Variants in AAAS observed in about 807,000 individuals in gnomAD.
The protein encoded by AAAS is aladin WD repeat nucleoporin.
AAAS carries 60 observed loss-of-function variants against 75.6 expected under a neutral mutation model. The ratio of observed to expected loss-of-function variants is 0.79; its 90% CI spans 0.64 to 0.98. The LOEUF is 0.98. Ranked by LOEUF, AAAS falls within the 50% of genes least tolerant of loss-of-function variation. AAAS has a pLI of 0.00. For synonymous variants in AAAS, 271 were observed against 265.0 expected, an observed-to-expected ratio of 1.02 and a Z score of -0.22; for missense variants, 658 against 686.9, an observed-to-expected ratio of 0.96 and a Z score of 0.47.
At position 53,309,276 on chromosome 12, in the gene AAAS, C is replaced by T; in HGVS notation, c.816G>A (p.Trp272Ter). 6.2e-7 allele frequency: 1 copy of T among 1,613,880 alleles called. No individual in the cohort carries two copies. Among genetic ancestry groups the T allele is most frequent in the Non-Finnish European group, 8.5e-7 (1 of 1,180,010 alleles). ...ASPVDAAIRV[W>*]DVSTETCVPL... Reference sequence around the variant, plus strand: ...GGACACAGGTCTCTGTTGAGACATCCCATACCTAGGAGAGTGGGGCAGGAG... The same window carrying T: ...GGACACAGGTCTCTGTTGAGACATCTCATACCTAGGAGAGTGGGGCAGGAG... Residue 272 changes from tryptophan to a stop codon, truncating the protein, a stop_gained, in exon 9 of 16, where the codon TGG (tryptophan) becomes TGA (stop). Transcript: ENST00000209873. LOFTEE classifies it high-confidence loss of function.
rs751517371 is a variant in AAAS at position 53,315,769 on chromosome 12, G to A, written c.265C>T (p.Leu89Phe). The change falls in exon 3 of 16, where the codon CTT (leucine) becomes TTT (phenylalanine). Residue 89 changes from leucine (L) to phenylalanine (F), a missense_variant. Transcript: ENST00000209873. ...RCINIWRDVG[L>F]FGVLNEIANS... ...GCAATTTCATTTAGCACCCCAAAAA[G>A]GCCCACATCACGCCTGATAAGGGAG... 1.1e-5 allele frequency: 18 copies of A among 1,613,712 alleles called. No homozygotes were observed. In the South Asian group the frequency reaches 1.9e-4, roughly 17 times the overall value.
At chr12:53,316,598 GA>G (rs1466451788) in intron 2 of AAAS, among the ~76,000 whole-genome samples, 4 of 149,026 alleles carry the variant, frequency 2.7e-5, no homozygotes, top group Admixed American at 1.3e-4. Flanking sequence ...GAAACATGTT[GA>G]AAAATATGAA....
At chr12:53,310,224 G>C (rs1200227853) in intron 7 of AAAS, among the ~76,000 whole-genome samples, 2 of 152,190 alleles carry the variant, frequency 1.3e-5, no homozygotes, top group Non-Finnish European at 2.9e-5. Context: ...CCTTATCAAA[G>C]TACCTCCCAA....
intron 5 of AAAS, 120 bp downstream of exon 5, chr12:53,314,974 A>G: frequency 2.0e-6 from 3 of 1,478,258 alleles, no homozygotes; most frequent in Admixed American, 1.7e-5. Flanking sequence ...TTGGGGGAAC[A>G]GGAGGAATGA....
chr12:53,307,798 G>C lies in AAAS; in HGVS notation c.1416+47C>G, dbSNP rs201394699. 66 of 1,613,054 alleles carry C rather than the reference G, an allele frequency of 4.1e-5. No homozygotes were observed. In the African/African-American group the frequency reaches 7.7e-4, roughly 19 times the overall value. ...AGCCATACAGCAGCCAAGGCCCTCA[G>C]CTTCTCCATCCAACTCCTGGAAGCC... On this transcript the variant is annotated intron_variant, in intron 15 of 15. Coordinates refer to ENST00000209873, the MANE Select transcript of AAAS (RefSeq NM_015665.6).
intron 11 of AAAS, 77 bp downstream of exon 11, chr12:53,308,648 C>T: frequency 3.1e-6 from 5 of 1,598,240 alleles, no homozygotes; most frequent in Middle Eastern, 3.3e-4. Flanking sequence ...TTCCCTTTAT[C>T]CCTCAGAGCT....
rs771915544 is a variant in AAAS, at chr12:53,320,645, G to A, written c.171C>T (p.Thr57=). The A allele has an allele frequency of 6.8e-6, 11 of 1,614,110 alleles. No homozygotes were observed. The highest frequency in any genetic ancestry group is 1.1e-5 in the South Asian group (1 of 91,076). Reference sequence around the variant, plus strand: ...TTGTGCCATGGTCCAGCCTTCCAGGGGTCTTTAGGGGATCCTTTGTCAGTT... The same window carrying A: ...TTGTGCCATGGTCCAGCCTTCCAGGAGTCTTTAGGGGATCCTTTGTCAGTT... ...VLQLTKDPLK[T]PGRLDHGTRT... is the part of the protein sequence containing the mutation. The change falls in exon 2 of 16, where the codon ACC becomes ACT. Residue 57 remains threonine (T), a synonymous_variant. Coordinates refer to ENST00000209873, the MANE Select transcript of AAAS (RefSeq NM_015665.6).
intron 2 of AAAS, among the ~76,000 whole-genome samples, chr12:53,317,243 T>G (rs1944476696): frequency 2.0e-5 from 3 of 151,482 alleles, no homozygotes; most frequent in Non-Finnish European, 4.4e-5. Flanking sequence ...GTCAAGATGG[T>G]GAAACCTCAT....
Position 53,308,439 on chromosome 12 carries a change from C to G in AAAS, c.1177G>C (p.Glu393Gln). 1 of 1,614,210 alleles carries G rather than the reference C, an allele frequency of 6.2e-7. No homozygotes were observed. Among genetic ancestry groups the G allele is most frequent in the Non-Finnish European group, 8.5e-7 (1 of 1,180,048 alleles). Residue 393 changes from glutamate to glutamine, a missense_variant, in exon 12 of 16, where the codon GAG becomes CAG. Transcript: ENST00000209873. ...ETTIQTPDGE[E>Q]RLGGEAHSMV... Reference sequence around the variant, plus strand: ...TCCCTCAACCACTCAGCTCACCTCTCCTCACCATCTGGTGTCTGTATTGTT... The same window carrying G: ...TCCCTCAACCACTCAGCTCACCTCTGCTCACCATCTGGTGTCTGTATTGTT...
intron 5 of AAAS, 86 bp downstream of exon 5, chr12:53,315,007 AG>A: frequency 6.6e-7 from 1 of 1,518,706 alleles, no homozygotes; most frequent in Non-Finnish European, 9.1e-7. Context: ...CAATCAGAAA[AG>A]GAGTAGGAGT....
At chr12:53,312,764 T>C (rs1167786497) in intron 7 of AAAS, among the ~76,000 whole-genome samples, 1 of 150,294 alleles carries the variant, frequency 6.7e-6, no homozygotes, top group Non-Finnish European at 1.5e-5. Flanking sequence ...TATATATACG[T>C]ATATACACGT....
At position 53,307,478 on chromosome 12, in the gene AAAS, CTTAT is replaced by C. The variant is rs747506478; in HGVS notation, c.*7_*10del. ...AACTGAGTGGAAAACAAAAGGAAAA[CTTAT>C]TTATTCTTAGAGGTGGGAATGTGGG... On this transcript the variant is annotated 3_prime_UTR_variant, in exon 16 of 16. Coordinates refer to ENST00000209873, the MANE Select transcript of AAAS (RefSeq NM_015665.6). 2.6e-4 allele frequency: 411 copies of C among 1,606,818 alleles called. 1 individual carries two copies. The highest frequency in any genetic ancestry group is 3.4e-4 in the Admixed American group (20 of 59,034).
intron 7 of AAAS, among the ~76,000 whole-genome samples, chr12:53,312,361 G>T (rs911481397): frequency 5.3e-5 from 8 of 152,116 alleles, no homozygotes; most frequent in Non-Finnish European, 1.2e-4. Flanking sequence ...GGATCACAAG[G>T]TCAGGAGTTC....
chr12:53,312,934 G>A lies in AAAS; in HGVS notation c.689+1364C>T, dbSNP rs1944412986. Among the ~76,000 whole-genome samples, 4 of 150,228 alleles carry A rather than the reference G, an allele frequency of 2.7e-5. No homozygotes were observed. In the South Asian group the frequency reaches 6.3e-4, roughly 24 times the overall value. Reference sequence around the variant, plus strand: ...TACAGTGGCGTGATCTCAGTTCACTGCAACCTCCGCCTCCCAGGTTCAAGT... The same window carrying A: ...TACAGTGGCGTGATCTCAGTTCACTACAACCTCCGCCTCCCAGGTTCAAGT... On this transcript the variant is annotated intron_variant, in intron 7 of 15. Coordinates refer to ENST00000209873, the MANE Select transcript of AAAS (RefSeq NM_015665.6).
rs1242749102 is a variant in AAAS, at chr12:53,307,479, TTA to T, written c.*8_*9del. 3.7e-6 allele frequency: 6 copies of T among 1,606,334 alleles called. No homozygotes were observed. Among genetic ancestry groups the T allele is most frequent in the Non-Finnish European group, 5.1e-6 (6 of 1,174,284 alleles). ...ACTGAGTGGAAAACAAAAGGAAAAC[TTA>T]TTTATTCTTAGAGGTGGGAATGTGG... On this transcript the variant is annotated 3_prime_UTR_variant, in exon 16 of 16. Transcript: ENST00000209873.
At chr12:53,310,386 C>A (rs1000513577) in intron 7 of AAAS, among the ~76,000 whole-genome samples, 1 of 152,054 alleles carries the variant, frequency 6.6e-6, no homozygotes, top group Non-Finnish European at 1.5e-5. Context: ...GGTGAAACCC[C>A]GTCTCTACTA....
intron 11 of AAAS, 43 bp from the exon 12 acceptor site, chr12:53,308,571 CCT>C: frequency 1.2e-6 from 2 of 1,611,992 alleles, no homozygotes; most frequent in Non-Finnish European, 1.7e-6. Context: ...AAGAAACAGG[CCT>C]CTCACTGGTC....
At position 53,319,753 on chromosome 12, in the gene AAAS, G is replaced by A. The variant is rs139835908; in HGVS notation, c.251+812C>T. Among the ~76,000 whole-genome samples the A allele has an allele frequency of 8.9e-4, 126 of 141,890 alleles. 1 individual carries two copies. The East Asian group carries it at 0.022, about 25-fold the overall frequency. The allele number at this position is 141,890 out of a possible 152,430, so 93.1% of individuals were successfully genotyped here. A position where few individuals can be genotyped will look rare whatever the true frequency, so the allele number is the denominator to read the frequency against. On this transcript the variant is annotated intron_variant, in intron 2 of 15. Coordinates refer to ENST00000209873, the MANE Select transcript of AAAS (RefSeq NM_015665.6). ...AGAGAGGCGGAGGCTGCAGTGAGCCGAGATCGCACCTCTGCACTCCAGCCT... is the reference window on the plus strand; with the variant it reads ...AGAGAGGCGGAGGCTGCAGTGAGCCAAGATCGCACCTCTGCACTCCAGCCT...
intron 6 of AAAS, 133 bp downstream of exon 6, chr12:53,314,618 G>C (rs1317875573): frequency 7.6e-7 from 1 of 1,312,712 alleles, no homozygotes; most frequent in African/African-American, 1.5e-5. Flanking sequence ...TCCAGTTATG[G>C]AGCTTCCCTG....
Sources: gnomAD v4.1 joint callset for allele counts (sites outside exome capture counted in the v4.1 genomes callset) on GRCh38, gnomAD v4.1.1 for gene constraint, MANE v1.5 for transcripts, NCBI Gene and HGNC (gene_info 2026-07-23, HGNC 2026-07-21) for gene names.